The following C5orf63 variants were observed in gnomAD, a reference collection of about 807,000 sequenced individuals.
The protein encoded by C5orf63 is chromosome 5 open reading frame 63.
A neutral mutation model predicts 13.3 loss-of-function variants in C5orf63; 18 were observed. That is an observed-to-expected ratio of 1.36 (90% CI 0.94 to 2.01). The LOEUF is 2.01. Ranked by LOEUF, C5orf63 falls within the 30% of genes most tolerant of loss-of-function variation. The pLI, the probability that C5orf63 is intolerant of heterozygous loss-of-function variation, is 0.00. For missense variants in C5orf63, 118 were observed against 127.7 expected (o/e 0.92, Z 0.36); for synonymous variants, 38 against 44.7 (o/e 0.85, Z 0.60).
chr5:127,049,756 A>T (rs554159459), downstream of C5orf63, among the ~76,000 whole-genome samples: 1 of 152,336 alleles, frequency 6.6e-6, no homozygotes, highest in Non-Finnish European at 1.5e-5. Context: ...GTTTCTGTAA[A>T]CCAGAAGTCT....
chr5:127,072,616 T>A (rs1490509704), intron 1 of C5orf63, among the ~76,000 whole-genome samples: 2 of 151,810 alleles, frequency 1.3e-5, no homozygotes, highest in Non-Finnish European at 2.9e-5. Flanking sequence ...AATCTTGGGG[T>A]CAAGCTAAGG....
chr5:127,043,108 C>T (rs1753442678), downstream of C5orf63: 1 of 152,156 alleles, frequency 6.6e-6, no homozygotes, highest in South Asian at 2.1e-4. Flanking sequence ...GGTCATAAAA[C>T]ATCAAGAAAC....
chr5:127,042,974 GC>G (rs752024584), downstream of C5orf63: 1 of 152,018 alleles, frequency 6.6e-6, no homozygotes, highest in Non-Finnish European at 1.5e-5. Context: ...ACAAAGTCAT[GC>G]CTCTTCTTAA....
downstream of C5orf63, chr5:127,043,769 A>C (rs1302461851): frequency 1.3e-5 from 2 of 152,238 alleles, 1 homozygote; most frequent in Non-Finnish European, 2.9e-5. Flanking sequence ...TTCATAACAA[A>C]GAACATACAG....
intron 2 of C5orf63, among the ~76,000 whole-genome samples, chr5:127,064,837 AC>A (rs1260109833): frequency 6.6e-6 from 1 of 152,244 alleles, no homozygotes; most frequent in Non-Finnish European, 1.5e-5. Context: ...TATTCAACAC[AC>A]TGCTCAGTTG....
chr5:127,066,738 A>G (rs1754347247), intron 2 of C5orf63, among the ~76,000 whole-genome samples: 1 of 152,172 alleles, frequency 6.6e-6, no homozygotes, highest in South Asian at 2.1e-4. Flanking sequence ...GATTATATTT[A>G]CAGCTATGAA....
intron 3 of C5orf63, chr5:127,056,481 A>G (rs1753890152): frequency 6.5e-6 from 1 of 152,832 alleles, no homozygotes; most frequent in South Asian, 2.1e-4. Flanking sequence ...GCAGCAGGCA[A>G]AGAGAGACCT....
chr5:127,066,445 CAG>C (rs1754339507), intron 2 of C5orf63, among the ~76,000 whole-genome samples: 1 of 151,942 alleles, frequency 6.6e-6, no homozygotes, highest in South Asian at 2.1e-4. Flanking sequence ...AGAACAGAAA[CAG>C]AGCCAACAGG....
chr5:127,048,014 G>C (rs1177933362), downstream of C5orf63: 3 of 604,296 alleles, frequency 5.0e-6, no homozygotes, highest in Non-Finnish European at 8.9e-6. Flanking sequence ...AACAGTTAAA[G>C]CAGACCACAC....
At chr5:127,058,680 T>A (rs1753981040) in intron 3 of C5orf63, 1 of 542,502 alleles carries the variant, frequency 1.8e-6, no homozygotes, top group Admixed American at 3.3e-5. Flanking sequence ...AGATGACCAT[T>A]AAATACATCA....
chr5:127,054,975 A>C (rs1486434173), intron 3 of C5orf63, among the ~76,000 whole-genome samples: 2 of 152,146 alleles, frequency 1.3e-5, no homozygotes, highest in Admixed American at 1.3e-4. Flanking sequence ...TTTTCCCAGC[A>C]CCATTTATTA....
Position 127,051,500 on chromosome 5 carries a change from G to T in C5orf63, c.*271C>A, listed in dbSNP as rs1482282123. On this transcript the variant is annotated 3_prime_UTR_variant, in exon 5 of 5. Coordinates refer to ENST00000296662, the MANE Select transcript of C5orf63 (RefSeq NM_001164478.2). ...AAGTGCTTCTCTATTAATACAAAAAGGATAAATAAGACAAATGGACTTCTC... is the reference window on the plus strand; with the variant it reads ...AAGTGCTTCTCTATTAATACAAAAATGATAAATAAGACAAATGGACTTCTC... 8.1e-7 allele frequency: 1 copy of T among 1,237,254 alleles called. No individual in the cohort carries two copies. Among genetic ancestry groups the T allele is most frequent in the Non-Finnish European group, 1.0e-6 (1 of 991,214 alleles). The allele number at this position is 1,237,254 out of a possible 1,614,324, so 76.6% of individuals were successfully genotyped here.
intron 1 of C5orf63, chr5:127,073,081 T>C (rs374426176): frequency 6.6e-6 from 1 of 152,044 alleles, no homozygotes; most frequent in African/African-American, 2.4e-5. Flanking sequence ...CCAAGTGTGA[T>C]TACACTACCA....
downstream of C5orf63, among the ~76,000 whole-genome samples, chr5:127,050,340 TTTCTC>T (rs1484244392): frequency 6.6e-6 from 1 of 152,110 alleles, no homozygotes; most frequent in Admixed American, 6.5e-5. Context: ...ATTTTGTTCT[TTTCTC>T]TTTTATTTTT....
intron 3 of C5orf63, 92 bp downstream of exon 3, chr5:127,058,790 A>G (rs954205400): frequency 1.5e-5 from 12 of 791,664 alleles, no homozygotes; most frequent in Middle Eastern, 3.0e-4. Flanking sequence ...GTCTGAAGAA[A>G]GCTTATTCCA....
chr5:127,058,869 T>C lies in C5orf63; in HGVS notation c.114+13A>G, dbSNP rs1753987943. The C allele has an allele frequency of 6.7e-7, 1 of 1,502,120 alleles. No individual in the cohort carries two copies. Among genetic ancestry groups the C allele is most frequent in the Non-Finnish European group, 8.9e-7 (1 of 1,118,258 alleles). The allele number at this position is 1,502,120 out of a possible 1,614,324, so 93.0% of individuals were successfully genotyped here. A position where few individuals can be genotyped will look rare whatever the true frequency, so the allele number is the denominator to read the frequency against. On this transcript the variant is annotated intron_variant, in intron 3 of 4. Transcript: ENST00000296662. ...CTTTCTTCACCCAACAATTTTACTT[T>C]TTCACTTTGTACCTTTGTGAATAAG...
intron 2 of C5orf63, among the ~76,000 whole-genome samples, chr5:127,059,733 AAAAAAAAAAAG>A: frequency 6.6e-6 from 1 of 150,828 alleles, no homozygotes; most frequent in Non-Finnish European, 1.5e-5. Context: ...TATCTCAAAA[AAAAAAAAAAAG>A]AAAAAGAAAA....
intron 2 of C5orf63, among the ~76,000 whole-genome samples, chr5:127,062,143 G>T (rs1754134181): frequency 6.6e-6 from 1 of 152,180 alleles, no homozygotes. Flanking sequence ...ATGTGGTCTT[G>T]GTTGCACCCA....
intron 2 of C5orf63, among the ~76,000 whole-genome samples, chr5:127,069,691 T>G (rs1324356804): frequency 6.6e-6 from 1 of 152,240 alleles, no homozygotes; most frequent in Non-Finnish European, 1.5e-5. Flanking sequence ...AATCTGAATG[T>G]TGGGAGCCAT....
Sources: gnomAD v4.1 joint callset for allele counts (sites outside exome capture counted in the v4.1 genomes callset) on GRCh38, gnomAD v4.1.1 for gene constraint, MANE v1.5 for transcripts, NCBI Gene and HGNC (gene_info 2026-07-23, HGNC 2026-07-21) for gene names.